WDR47: variants seen among roughly 807,000 people sequenced by gnomAD.
The protein encoded by WDR47 is WD repeat domain 47.
WDR47 carries 32 observed loss-of-function variants against 97.2 expected under a neutral mutation model. The ratio of observed to expected loss-of-function variants is 0.33; its 90% CI spans 0.25 to 0.44. The LOEUF is 0.44. Ranked by LOEUF, WDR47 falls within the 20% of genes least tolerant of loss-of-function variation. The probability of loss-of-function intolerance (pLI) is 1.00; values close to 1 mark genes in which losing one functional copy is unlikely to be tolerated. For synonymous variants in WDR47, 375 were observed against 373.5 expected (o/e 1.00, Z -0.05); for missense variants, 782 against 1,102.3 (o/e 0.71, Z 4.11).
chr1:109,011,749 C>A, intron 4 of WDR47, 31 bp from the exon 5 acceptor site: 1 of 1,533,316 alleles, frequency 6.5e-7, no homozygotes, highest in South Asian at 1.3e-5. Context: ...ATCAAATAAT[C>A]ACTATAAAAA....
intron 4 of WDR47, among the ~76,000 whole-genome samples, chr1:109,012,563 A>T (rs1661115198): frequency 1.1e-5 from 1 of 89,142 alleles, no homozygotes; most frequent in African/African-American, 4.4e-5. Context: ...ACAGTGTGAG[A>T]CTCCATCTCA....
chr1:109,035,091 A>G (rs1386956262), intron 1 of WDR47, among the ~76,000 whole-genome samples: 1 of 151,438 alleles, frequency 6.6e-6, no homozygotes, highest in Non-Finnish European at 1.5e-5. Flanking sequence ...CAAAAAAAAA[A>G]AACAATTAGC....
intron 1 of WDR47, among the ~76,000 whole-genome samples, chr1:109,034,681 T>C (rs1230989847): frequency 1.3e-5 from 2 of 152,186 alleles, no homozygotes; most frequent in African/African-American, 4.8e-5. Flanking sequence ...GTGAATCTAA[T>C]GCCTGTTGAT....
intron 1 of WDR47, chr1:109,024,833 C>T (rs1217958525): frequency 6.6e-6 from 1 of 152,092 alleles, no homozygotes; most frequent in Non-Finnish European, 1.5e-5. Context: ...GAAACATAAA[C>T]ATACACATGT....
chr1:109,037,483 G>A (rs369227719), intron 1 of WDR47, among the ~76,000 whole-genome samples: 8 of 151,610 alleles, frequency 5.3e-5, no homozygotes, highest in South Asian at 4.2e-4. Flanking sequence ...AAAATTAGCC[G>A]GGCTTGGTGG....
At chr1:109,020,462 C>T (rs943296198) in intron 2 of WDR47, among the ~76,000 whole-genome samples, 1 of 152,088 alleles carries the variant, frequency 6.6e-6, no homozygotes, top group Non-Finnish European at 1.5e-5. Context: ...GGGGGTTTCA[C>T]CGCATTAGCC....
At chr1:109,023,260 A>G in intron 2 of WDR47, 95 bp downstream of exon 2, 1 of 1,152,778 alleles carries the variant, frequency 8.7e-7, no homozygotes, top group Non-Finnish European at 1.2e-6. Context: ...CCTTTTCATG[A>G]TTATAAAGTT....
intron 1 of WDR47, among the ~76,000 whole-genome samples, chr1:109,033,403 A>G (rs566343824): frequency 1.3e-5 from 2 of 152,328 alleles, no homozygotes; most frequent in South Asian, 4.1e-4. Flanking sequence ...TGAGCAAAAA[A>G]TATAGACAAT....
At chr1:109,001,772 CG>C (rs1377904596) in intron 7 of WDR47, among the ~76,000 whole-genome samples, 18 of 152,024 alleles carry the variant, frequency 1.2e-4, no homozygotes, top group Admixed American at 8.5e-4. Context: ...TATGCTGTAG[CG>C]CCAGCTACGC....
At chr1:109,036,726 C>T (rs895659884) in intron 1 of WDR47, among the ~76,000 whole-genome samples, 33 of 151,106 alleles carry the variant, frequency 2.2e-4, no homozygotes, top group South Asian at 4.2e-4. Flanking sequence ...GTCCCAGCTA[C>T]TCAGGAGGCC....
intron 2 of WDR47, among the ~76,000 whole-genome samples, chr1:109,018,813 CA>C (rs1179062993): frequency 1.3e-5 from 2 of 151,462 alleles, no homozygotes; most frequent in East Asian, 3.9e-4. Context: ...GACCCTGTCT[CA>C]AAAAAACACA....
intron 1 of WDR47, among the ~76,000 whole-genome samples, chr1:109,028,995 A>G (rs112708380): frequency 2.0e-5 from 3 of 152,274 alleles, no homozygotes; most frequent in African/African-American, 7.2e-5. Context: ...TATCCAGACT[A>G]GGTAAAGAAA....
intron 3 of WDR47, among the ~76,000 whole-genome samples, chr1:109,015,588 A>C (rs1340670666): frequency 6.6e-6 from 1 of 151,238 alleles, no homozygotes; most frequent in Non-Finnish European, 1.5e-5. Context: ...TCGGCCTCCC[A>C]AAGTGCTGGG....
chr1:108,989,187 C>A (rs1398867134), intron 9 of WDR47, among the ~76,000 whole-genome samples: 2 of 152,168 alleles, frequency 1.3e-5, no homozygotes, highest in Non-Finnish European at 2.9e-5. Context: ...GTTACCCTGA[C>A]CAGGACTGAC....
chr1:109,001,013 G>A (rs1332690517), intron 7 of WDR47, among the ~76,000 whole-genome samples: 3 of 151,920 alleles, frequency 2.0e-5, no homozygotes, highest in Non-Finnish European at 2.9e-5. Flanking sequence ...ACATACATAA[G>A]ACCGGGTGTG....
At chr1:108,974,323 C>G (rs1657718917) in intron 14 of WDR47, among the ~76,000 whole-genome samples, 1 of 152,174 alleles carries the variant, frequency 6.6e-6, no homozygotes, top group South Asian at 2.1e-4. Flanking sequence ...GCCCCTGCCT[C>G]TATAAAAACA....
In WDR47 at chr1:108,971,553, A is replaced by C; in HGVS notation, c.2637T>G (p.Leu879=). The C allele has an allele frequency of 6.2e-7, 1 of 1,614,146 alleles. No homozygotes were observed. Residue 879 remains leucine (L), a synonymous_variant, in exon 15 of 15, where the codon CTT becomes CTG. Coordinates refer to ENST00000369962, the MANE Select transcript of WDR47 (RefSeq NM_001142551.2). ...TGTGCTCCCCCACCACCATGATAGGAAGCTGCTTGGTGAGGTCCCCTAAAT... is the reference window on the plus strand; with the variant it reads ...TGTGCTCCCCCACCACCATGATAGGCAGCTGCTTGGTGAGGTCCCCTAAAT... ...TDLQGDLTKQ[L]PIMVVGEHKD...
At chr1:109,021,353 C>A (rs1181765437) in intron 2 of WDR47, among the ~76,000 whole-genome samples, 4 of 151,840 alleles carry the variant, frequency 2.6e-5, no homozygotes, top group Non-Finnish European at 5.9e-5. Context: ...AATGGTGAAA[C>A]CTTGCCTCTA....
At chr1:109,008,251 C>T (rs527432079) in intron 5 of WDR47, among the ~76,000 whole-genome samples, 1 of 151,966 alleles carries the variant, frequency 6.6e-6, no homozygotes, top group Non-Finnish European at 1.5e-5. Context: ...AAAAGGCTTC[C>T]CTATACATTT....
Sources: allele counts gnomAD v4.1 joint callset (sites outside exome capture counted in the v4.1 genomes callset), GRCh38; gene constraint gnomAD v4.1.1; transcripts MANE v1.5; gene names NCBI Gene and HGNC (gene_info 2026-07-23, HGNC 2026-07-21).